The following PXDNL variants were observed in gnomAD, a reference collection of about 807,000 sequenced individuals.
The protein encoded by PXDNL is probable oxidoreductase PXDNL.
PXDNL carries 145 observed loss-of-function variants against 150.8 expected under a neutral mutation model. That is an observed-to-expected ratio of 0.96 (90% confidence interval 0.84 to 1.10). PXDNL has a LOEUF of 1.10. Among genes scored for constraint, PXDNL ranks in the 50% least tolerant of loss-of-function variants. The pLI is 0.00. For synonymous variants in PXDNL, 757 were observed against 725.7 expected (o/e 1.04, Z -0.69); for missense variants, 2,087 against 1,873.9 (o/e 1.11, Z -2.10).
intron 12 of PXDNL, among the ~76,000 whole-genome samples, chr8:51,437,170 A>T (rs1336644474): frequency 6.6e-6 from 1 of 152,250 alleles, no homozygotes; most frequent in Non-Finnish European, 1.5e-5. Context: ...AACTCTGAAC[A>T]GACCAACAGT....
chr8:51,509,738 A>G (rs947818831), intron 4 of PXDNL, among the ~76,000 whole-genome samples: 22 of 107,160 alleles, frequency 2.1e-4, no homozygotes, highest in Non-Finnish European at 1.3e-4. Context: ...ATATATACAT[A>G]TATACACACA....
chr8:51,709,506 C>T (rs796217307), intron 1 of PXDNL, among the ~76,000 whole-genome samples: 10 of 152,158 alleles, frequency 6.6e-5, no homozygotes, highest in South Asian at 2.1e-4. Context: ...CACCCACCTC[C>T]GCCTCCCAAA....
intron 3 of PXDNL, among the ~76,000 whole-genome samples, chr8:51,561,289 A>G (rs543726797): frequency 1.2e-4 from 18 of 152,108 alleles, no homozygotes; most frequent in African/African-American, 4.1e-4. Context: ...GAAAGTAGAG[A>G]TATCTGCACA....
chr8:51,548,570 A>T (rs112664698), intron 4 of PXDNL, among the ~76,000 whole-genome samples: 3,970 of 152,280 alleles, frequency 0.026, 94 homozygotes, highest in African/African-American at 0.06. Flanking sequence ...GTCAAGAATT[A>T]TGTATCCAGC....
At chr8:51,592,231 G>C (rs1308744444) in intron 3 of PXDNL, among the ~76,000 whole-genome samples, 1 of 152,152 alleles carries the variant, frequency 6.6e-6, no homozygotes, top group Admixed American at 6.5e-5. Context: ...GTGTTCACTG[G>C]CTTTGGAAGG....
At chr8:51,777,326 G>A (rs536252960) in intron 1 of PXDNL, among the ~76,000 whole-genome samples, 1 of 152,200 alleles carries the variant, frequency 6.6e-6, no homozygotes, top group African/African-American at 2.4e-5. Flanking sequence ...ATAATTAAAT[G>A]TGTCAATACA....
intron 2 of PXDNL, among the ~76,000 whole-genome samples, chr8:51,638,145 A>G (rs931833255): frequency 3.2e-4 from 48 of 152,166 alleles, no homozygotes; most frequent in Admixed American, 3.9e-4. Flanking sequence ...CAGACAAACA[A>G]ATGCTGAGAG....
rs755848253 is a variant in PXDNL at position 51,345,894 on chromosome 8, G to A, written c.3955C>T (p.Arg1319Cys). The A allele has an allele frequency of 1.5e-5, 24 of 1,613,666 alleles. No individual in the cohort carries two copies. The highest frequency in any genetic ancestry group is 1.6e-4 in the Middle Eastern group (1 of 6,082). Residue 1319 changes from arginine to cysteine, a missense_variant, in exon 20 of 23, where the codon CGC becomes TGC. Physicochemically the swap from Arg to Cys is radical, Grantham distance 180. Transcript: ENST00000356297. ...RAVTQESQKKRSAQYSYPVDK... is the reference protein window; with the variant it reads ...RAVTQESQKKCSAQYSYPVDK... The stretch of plus-strand genomic sequence containing the variant: ...ACAGGATAGCTGTATTGAGCTGAGC[G>A]TTTCTTTTGAGACTCTTGCGTCACT...
At chr8:51,696,921 C>A (rs557094051) in intron 1 of PXDNL, among the ~76,000 whole-genome samples, 14 of 152,122 alleles carry the variant, frequency 9.2e-5, no homozygotes, top group African/African-American at 2.9e-4. Flanking sequence ...TATATTGTTG[C>A]TGTTTCAAAG....
At chr8:51,472,958 C>A (rs1458744136) in intron 7 of PXDNL, among the ~76,000 whole-genome samples, 4 of 152,038 alleles carry the variant, frequency 2.6e-5, no homozygotes, top group Admixed American at 1.3e-4. Context: ...TCTCTTTAAA[C>A]CTTTCTAAAT....
intron 2 of PXDNL, among the ~76,000 whole-genome samples, chr8:51,604,926 A>G (rs1475092524): frequency 2.0e-5 from 3 of 152,336 alleles, no homozygotes; most frequent in African/African-American, 7.2e-5. Context: ...GCTACCATGT[A>G]TCACATAAGT....
intron 20 of PXDNL, 66 bp downstream of exon 20, chr8:51,345,767 C>A: frequency 2.2e-6 from 2 of 928,988 alleles, no homozygotes; most frequent in Non-Finnish European, 3.4e-6. Context: ...AAGATAAAAA[C>A]AAATTGTAGG....
At chr8:51,489,052 G>A (rs72638037) in intron 5 of PXDNL, among the ~76,000 whole-genome samples, 5,382 of 152,132 alleles carry the variant, frequency 0.035, 135 homozygotes, top group Non-Finnish European at 0.055. Flanking sequence ...TAAAAAGTAA[G>A]TAAAACATAC....
chr8:51,769,237 A>G (rs865776706), intron 1 of PXDNL, among the ~76,000 whole-genome samples: 4 of 152,238 alleles, frequency 2.6e-5, no homozygotes, highest in African/African-American at 9.6e-5. Context: ...AGATATGCTA[A>G]CTGCTCCTCA....
At chr8:51,514,996 C>G (rs760269061) in intron 4 of PXDNL, among the ~76,000 whole-genome samples, 1 of 152,148 alleles carries the variant, frequency 6.6e-6, no homozygotes, top group Non-Finnish European at 1.5e-5. Flanking sequence ...CAGAGAAATA[C>G]ATAGTAAAGA....
intron 19 of PXDNL, among the ~76,000 whole-genome samples, chr8:51,349,434 G>T (rs1026077574): frequency 6.6e-6 from 1 of 152,144 alleles, no homozygotes; most frequent in Non-Finnish European, 1.5e-5. Flanking sequence ...CCTTCTCCAG[G>T]AAGCCTTTCT....
intron 4 of PXDNL, among the ~76,000 whole-genome samples, chr8:51,537,600 C>G (rs1298896735): frequency 6.6e-6 from 1 of 152,162 alleles, no homozygotes; most frequent in Non-Finnish European, 1.5e-5. Flanking sequence ...AGTTCCACCC[C>G]CTCCACTGAC....
intron 1 of PXDNL, among the ~76,000 whole-genome samples, chr8:51,758,006 T>A (rs1446399193): frequency 2.0e-5 from 3 of 152,174 alleles, no homozygotes; most frequent in Non-Finnish European, 4.4e-5. Context: ...ATATTTTTCA[T>A]GTACTTTGAA....
chr8:51,643,498 A>T (rs1814824653), intron 2 of PXDNL, among the ~76,000 whole-genome samples: 1 of 152,262 alleles, frequency 6.6e-6, no homozygotes, highest in South Asian at 2.1e-4. Flanking sequence ...ATATGTAGAA[A>T]GCTGAAACTG....
Sources: allele counts gnomAD v4.1 joint callset (sites outside exome capture counted in the v4.1 genomes callset), GRCh38; gene constraint gnomAD v4.1.1; transcripts MANE v1.5; gene names NCBI Gene and HGNC (gene_info 2026-07-23, HGNC 2026-07-21).